PDZRN3: variants seen among roughly 807,000 people sequenced by gnomAD.
The protein encoded by PDZRN3 is PDZ domain containing ring finger 3.
A neutral mutation model predicts 85.7 loss-of-function variants in PDZRN3; 38 were observed. The observed-to-expected ratio is 0.44, with a 90% CI of 0.34 to 0.58. The LOEUF (loss-of-function observed/expected upper bound fraction) is 0.58. Among genes scored for constraint, PDZRN3 ranks in the 20% least tolerant of loss-of-function variants. The pLI, the probability that PDZRN3 is intolerant of heterozygous loss-of-function variation, is 0.01. For missense variants in PDZRN3, 1,629 were observed against 1,506.4 expected, an observed-to-expected ratio of 1.08 and a Z score of -1.35; for synonymous variants, 759 against 638.0, an observed-to-expected ratio of 1.19 and a Z score of -2.86.
intron 9 of PDZRN3, 142 bp from the exon 10 acceptor site, chr3:73,385,072 G>A (rs1043593869): frequency 1.1e-4 from 96 of 910,198 alleles, no homozygotes; most frequent in Non-Finnish European, 1.4e-4. Flanking sequence ...GTAGGACCAC[G>A]TCAATAGCGT....
intron 3 of PDZRN3, among the ~76,000 whole-genome samples, chr3:73,598,463 AGAG>A (rs1303613773): frequency 1.3e-5 from 2 of 152,220 alleles, no homozygotes; most frequent in African/African-American, 4.8e-5. Flanking sequence ...CTCACAGGTA[AGAG>A]GAGTGCAGGG....
chr3:73,546,227 C>T (rs1484468847), intron 3 of PDZRN3, among the ~76,000 whole-genome samples: 1 of 152,208 alleles, frequency 6.6e-6, no homozygotes, highest in Non-Finnish European at 1.5e-5. Flanking sequence ...CATGATACCA[C>T]AGGCGACCCA....
intron 2 of PDZRN3, among the ~76,000 whole-genome samples, chr3:73,606,196 G>A (rs1050848698): frequency 4.6e-5 from 7 of 152,226 alleles, no homozygotes; most frequent in Admixed American, 6.5e-5. Flanking sequence ...GCTATAGCTT[G>A]TGAAACACCT....
intron 5 of PDZRN3, among the ~76,000 whole-genome samples, chr3:73,399,247 C>CTACTT (rs1352466002): frequency 6.6e-6 from 1 of 152,192 alleles, no homozygotes; most frequent in African/African-American, 2.4e-5. Context: ...TAAAAGAACT[C>CTACTT]TACTTTGCCA....
At chr3:73,575,167 C>A (rs768443421) in intron 3 of PDZRN3, among the ~76,000 whole-genome samples, 1 of 152,166 alleles carries the variant, frequency 6.6e-6, no homozygotes, top group African/African-American at 2.4e-5. Flanking sequence ...ACTGTACTGA[C>A]AAGGAAGAAC....
At chr3:73,554,641 A>C (rs1375905414) in intron 3 of PDZRN3, among the ~76,000 whole-genome samples, 1 of 152,224 alleles carries the variant, frequency 6.6e-6, no homozygotes, top group African/African-American at 2.4e-5. Flanking sequence ...CCATATCCCA[A>C]CTTAGAAAGG....
chr3:73,410,722 G>C (rs1254289561), intron 3 of PDZRN3, among the ~76,000 whole-genome samples: 1 of 152,156 alleles, frequency 6.6e-6, no homozygotes, highest in Non-Finnish European at 1.5e-5. Flanking sequence ...GAGTCTTAGA[G>C]GTTAAAAACA....
intron 3 of PDZRN3, among the ~76,000 whole-genome samples, chr3:73,516,819 T>A (rs1414846147): frequency 2.6e-5 from 4 of 152,250 alleles, no homozygotes; most frequent in Admixed American, 2.6e-4. Context: ...CCTGGACACC[T>A]GCCCAAACCT....
rs553506512 is a variant in PDZRN3 at position 73,476,866 on chromosome 3, G to A, written c.919-72471C>T. Among the ~76,000 whole-genome samples, 12 of 152,302 alleles carry A rather than the reference G, an allele frequency of 7.9e-5. No individual in the cohort carries two copies. In the South Asian group the frequency reaches 2.1e-3, roughly 26 times the overall value. ...GAGCCTTCAGATGACTGCAGTACCAGTAGACAGCTTGACTGCAACCTCATG... is the reference window on the plus strand; with the variant it reads ...GAGCCTTCAGATGACTGCAGTACCAATAGACAGCTTGACTGCAACCTCATG... On this transcript the variant is annotated intron_variant, in intron 3 of 9. Coordinates refer to ENST00000263666, the MANE Select transcript of PDZRN3 (RefSeq NM_015009.3).
At chr3:73,431,439 G>A (rs1010915733) in intron 3 of PDZRN3, among the ~76,000 whole-genome samples, 2 of 152,192 alleles carry the variant, frequency 1.3e-5, no homozygotes, top group African/African-American at 4.8e-5. Flanking sequence ...TCTTTGTGCT[G>A]CTGTTACGAG....
chr3:73,554,000 C>T (rs1181385032), intron 3 of PDZRN3, among the ~76,000 whole-genome samples: 1 of 152,180 alleles, frequency 6.6e-6, no homozygotes, highest in Non-Finnish European at 1.5e-5. Context: ...ACAACTATCT[C>T]ACTGGCAGCT....
chr3:73,462,361 G>C (rs1472185162), intron 3 of PDZRN3, among the ~76,000 whole-genome samples: 3 of 152,000 alleles, frequency 2.0e-5, no homozygotes, highest in Admixed American at 6.6e-5. Context: ...GGCTAACACG[G>C]TGAAACCCTG....
Position 73,383,526 on chromosome 3 carries a change from C to T in PDZRN3, c.3040G>A (p.Glu1014Lys), listed in dbSNP as rs1226577541. The change falls in exon 10 of 10, where the codon GAG becomes AAG. Residue 1014 changes from glutamate to lysine, a missense_variant. Glu to Lys is a moderately conservative substitution (Grantham distance 56, BLOSUM62 1). Transcript: ENST00000263666. ...KEQQAADDRK[E>K]MNILELSHKK... ...TGGCTCAGTTCGAGAATGTTCATCT[C>T]CTTCCTGTCATCGGCTGCTTGCTGC... is the stretch of plus-strand genomic sequence containing the variant. The T allele has an allele frequency of 6.2e-7, 1 of 1,614,086 alleles. No homozygotes were observed. Among genetic ancestry groups the T allele is most frequent in the African/African-American group, 1.3e-5 (1 of 74,938 alleles).
intron 3 of PDZRN3, among the ~76,000 whole-genome samples, chr3:73,484,080 G>A (rs1275953248): frequency 6.6e-6 from 1 of 152,136 alleles, no homozygotes; most frequent in South Asian, 2.1e-4. Flanking sequence ...TGATGCGGGG[G>A]CCTGGGGTGG....
At chr3:73,473,531 G>A (rs1703389871) in intron 3 of PDZRN3, among the ~76,000 whole-genome samples, 1 of 152,146 alleles carries the variant, frequency 6.6e-6, no homozygotes, top group Non-Finnish European at 1.5e-5. Context: ...TATGGGGTAG[G>A]TGACGATCAC....
intron 2 of PDZRN3, among the ~76,000 whole-genome samples, chr3:73,605,784 A>C (rs1372298749): frequency 5.9e-5 from 9 of 152,232 alleles, no homozygotes; most frequent in Admixed American, 5.9e-4. Flanking sequence ...AATTTTGAAA[A>C]ACACTATGGC....
At chr3:73,417,472 T>C (rs567489757) in intron 3 of PDZRN3, among the ~76,000 whole-genome samples, 5 of 152,220 alleles carry the variant, frequency 3.3e-5, no homozygotes, top group Non-Finnish European at 5.9e-5. Context: ...TTTCATTGCT[T>C]ATCTAGTTCA....
intron 2 of PDZRN3, among the ~76,000 whole-genome samples, chr3:73,604,661 G>T (rs1416441507): frequency 6.6e-6 from 1 of 152,166 alleles, no homozygotes; most frequent in Non-Finnish European, 1.5e-5. Flanking sequence ...AGTTCCCTAA[G>T]AGGTGATGTC....
At position 73,624,301 on chromosome 3, in the gene PDZRN3, GGCCTGGAGCGCGCCGTTGTGC is replaced by G; in HGVS notation, c.504_524del (p.His169_Ala175del). 7.5e-7 allele frequency: 1 copy of G among 1,334,228 alleles called. No individual in the cohort carries two copies. The highest frequency in any genetic ancestry group is 2.0e-5 in the South Asian group (1 of 49,810). 82.6% of individuals were successfully genotyped at this position (1,334,228 alleles called of 1,614,324 possible). Reference sequence around the variant, plus strand: ...GCGCCTTGTGCAGCGCGCCCAGGCGGGCCTGGAGCGCGCCGTTGTGCGCCCGCAGCGCTCGCGCGCAGCAGT... The same window carrying G: ...GCGCCTTGTGCAGCGCGCCCAGGCGGGCCCGCAGCGCTCGCGCGCAGCAGT... On this transcript the variant is annotated inframe_deletion, in exon 1 of 10. Transcript: ENST00000263666.
Sources: allele counts gnomAD v4.1 joint callset (sites outside exome capture counted in the v4.1 genomes callset), GRCh38; gene constraint gnomAD v4.1.1; transcripts MANE v1.5; gene names NCBI Gene and HGNC (gene_info 2026-07-23, HGNC 2026-07-21).